SRRM4: variants seen among roughly 807,000 people sequenced by gnomAD.
SRRM4 encodes serine/arginine repetitive matrix 4.
In SRRM4, 33 loss-of-function variants were observed where a neutral mutation model predicts 68.9. The observed-to-expected ratio is 0.48, with a 90% confidence interval of 0.36 to 0.64. SRRM4 has a LOEUF of 0.64. Ranked by LOEUF, SRRM4 falls within the 30% of genes least tolerant of loss-of-function variation. The pLI is 0.00. For synonymous variants in SRRM4, 318 were observed against 318.8 expected, an observed-to-expected ratio of 1.00 and a Z score of 0.03; for missense variants, 817 against 827.1, an observed-to-expected ratio of 0.99 and a Z score of 0.15.
intron 1 of SRRM4, among the ~76,000 whole-genome samples, chr12:119,046,236 C>T (rs566472257): frequency 6.6e-6 from 1 of 151,964 alleles, no homozygotes; most frequent in Admixed American, 6.5e-5. Context: ...CATCAAAGAG[C>T]TTTTGCAGTG....
chr12:119,004,387 A>G (rs910556303), intron 1 of SRRM4, among the ~76,000 whole-genome samples: 2 of 152,018 alleles, frequency 1.3e-5, no homozygotes, highest in African/African-American at 4.8e-5. Flanking sequence ...CTGTCTCCCA[A>G]ACATTTGAAG....
intron 1 of SRRM4, among the ~76,000 whole-genome samples, chr12:119,042,005 G>A (rs1953672323): frequency 6.6e-6 from 1 of 152,150 alleles, no homozygotes; most frequent in Non-Finnish European, 1.5e-5. Context: ...GTCATTTGCG[G>A]TCATGGAACC....
chr12:119,075,849 TGTTGA>T (rs1953909394), intron 1 of SRRM4, among the ~76,000 whole-genome samples: 1 of 143,544 alleles, frequency 7.0e-6, no homozygotes, highest in Non-Finnish European at 1.5e-5. Flanking sequence ...ATGATGATGA[TGTTGA>T]TGATGGTGGT....
chr12:119,128,464 C>G (rs1006328381), intron 7 of SRRM4, among the ~76,000 whole-genome samples: 4 of 152,186 alleles, frequency 2.6e-5, no homozygotes, highest in Non-Finnish European at 4.4e-5. Flanking sequence ...AGCCCAAAGC[C>G]TATAATAGGT....
In SRRM4 at chr12:119,125,425, G is replaced by T. The variant is rs376392386; in HGVS notation, c.560G>T (p.Arg187Leu). The T allele has an allele frequency of 6.2e-7, 1 of 1,612,980 alleles. No individual in the cohort carries two copies. Among genetic ancestry groups the T allele is most frequent in the South Asian group, 1.1e-5 (1 of 90,958 alleles). Residue 187 changes from arginine to leucine, a missense_variant, in exon 7 of 13, where the codon CGC (arginine) becomes CTC (leucine). Coordinates refer to ENST00000267260, the MANE Select transcript of SRRM4 (RefSeq NM_194286.4). ...AAGTCTCACCGCCACCGCCATCACC[G>T]CTGCCCCTCGCGGTCCCAGAGCTCG... ...PRKSHRHRHH[R>L]CPSRSQSSES... is the part of the protein sequence containing the mutation.
In SRRM4 at chr12:119,156,524, G is replaced by C. The variant is rs760875442; in HGVS notation, c.1562G>C (p.Arg521Pro). Residue 521 changes from arginine to proline, a missense_variant, in exon 13 of 13, where the codon CGG becomes CCG. Physicochemically the swap from Arg to Pro is moderately radical, Grantham distance 103. Coordinates refer to ENST00000267260, the MANE Select transcript of SRRM4 (RefSeq NM_194286.4). ...CGGAAACGCCCCATCCCCTACTATC[G>C]GCCCAGCCCCTCCTCATCCGGCAGC... Reference protein sequence around the residue: ...SARKRPIPYYRPSPSSSGSLS... With the variant: ...SARKRPIPYYPPSPSSSGSLS... 3.1e-6 allele frequency: 5 copies of C among 1,609,564 alleles called. No individual in the cohort carries two copies. The highest frequency in any genetic ancestry group is 3.3e-5 in the Admixed American group (2 of 59,914).
At chr12:118,986,272 C>T (rs1373927779) in intron 1 of SRRM4, among the ~76,000 whole-genome samples, 1 of 152,154 alleles carries the variant, frequency 6.6e-6, no homozygotes. Flanking sequence ...CTGAGGGTCA[C>T]AGAAAATGCT....
intron 1 of SRRM4, among the ~76,000 whole-genome samples, chr12:119,035,248 G>A (rs983371284): frequency 1.3e-5 from 2 of 152,122 alleles, no homozygotes; most frequent in Admixed American, 6.5e-5. Flanking sequence ...TTTTATTGTA[G>A]AGAAGAAATT....
intron 1 of SRRM4, among the ~76,000 whole-genome samples, chr12:119,028,761 G>T (rs1371087076): frequency 6.6e-6 from 1 of 152,170 alleles, no homozygotes; most frequent in African/African-American, 2.4e-5. Context: ...CCACAAATTC[G>T]GGAGGAGAGA....
chr12:119,073,735 C>T (rs1294713501), intron 1 of SRRM4, among the ~76,000 whole-genome samples: 1 of 152,184 alleles, frequency 6.6e-6, no homozygotes, highest in African/African-American at 2.4e-5. Flanking sequence ...ACCCTCCTAC[C>T]TCAGCCTCCA....
chr12:119,060,413 C>G (rs930026678), intron 1 of SRRM4, among the ~76,000 whole-genome samples: 7 of 148,392 alleles, frequency 4.7e-5, no homozygotes, highest in South Asian at 4.9e-4. Flanking sequence ...TGTGAGCGCT[C>G]CCACACATTT....
chr12:119,105,255 T>C (rs1202736043), intron 2 of SRRM4, among the ~76,000 whole-genome samples: 2 of 152,126 alleles, frequency 1.3e-5, no homozygotes, highest in Admixed American at 6.5e-5. Flanking sequence ...GTCTTTGCTA[T>C]TGTGAATAGT....
chr12:119,018,385 A>G (rs2136000494), intron 1 of SRRM4, among the ~76,000 whole-genome samples: 1 of 152,348 alleles, frequency 6.6e-6, no homozygotes, highest in Admixed American at 6.5e-5. Context: ...GAGGAAATTC[A>G]GCATCGACTT....
chr12:119,107,591 T>C (rs926339801), intron 2 of SRRM4, among the ~76,000 whole-genome samples: 4 of 152,230 alleles, frequency 2.6e-5, no homozygotes, highest in Non-Finnish European at 5.9e-5. Context: ...TTCTAGATTT[T>C]CTAGTTTATT....
intron 10 of SRRM4, 23 bp from the exon 11 acceptor site, chr12:119,153,516 A>T (rs1480952034): frequency 1.3e-6 from 2 of 1,507,208 alleles, no homozygotes; most frequent in East Asian, 4.9e-5. Flanking sequence ...CAGGCTCCTC[A>T]GAGGCTGTTA....
intron 1 of SRRM4, among the ~76,000 whole-genome samples, chr12:119,078,594 G>A (rs1303468782): frequency 6.6e-6 from 1 of 152,182 alleles, no homozygotes. Context: ...ACATCATCCA[G>A]TATCACTGGC....
chr12:119,087,875 G>A (rs912568869), intron 1 of SRRM4, among the ~76,000 whole-genome samples: 3 of 152,238 alleles, frequency 2.0e-5, no homozygotes, highest in Admixed American at 2.0e-4. Flanking sequence ...CTCACTGCGT[G>A]TCCTCAGGCA....
intron 1 of SRRM4, among the ~76,000 whole-genome samples, chr12:119,087,348 G>A (rs1354887157): frequency 4.6e-5 from 7 of 152,190 alleles, no homozygotes; most frequent in Non-Finnish European, 1.0e-4. Flanking sequence ...AGAGATAGAG[G>A]CAGGTGAAAG....
At chr12:119,096,410 C>T (rs1282092761) in intron 1 of SRRM4, among the ~76,000 whole-genome samples, 1 of 152,096 alleles carries the variant, frequency 6.6e-6, no homozygotes, top group African/African-American at 2.4e-5. Context: ...TCAGTTTGTT[C>T]TTCACAGTAG....
Sources: gnomAD v4.1 joint callset for allele counts (sites outside exome capture counted in the v4.1 genomes callset) on GRCh38, gnomAD v4.1.1 for gene constraint, MANE v1.5 for transcripts, NCBI Gene and HGNC (gene_info 2026-07-23, HGNC 2026-07-21) for gene names.